USH2A: variants seen among roughly 807,000 people sequenced by gnomAD.
USH2A encodes the protein usherin, also known as Usher syndrome 2A (autosomal recessive, mild).
USH2A carries 443 observed loss-of-function variants against 538.9 expected under a neutral mutation model. The ratio of observed to expected loss-of-function variants is 0.82; its 90% CI spans 0.76 to 0.89. The LOEUF is 0.89. USH2A is among the 40% of genes least tolerant of loss of function. USH2A has a pLI of 0.00. For synonymous variants in USH2A, 2,413 were observed against 2,273.5 expected (o/e 1.06, Z -1.75); for missense variants, 6,633 against 6,324.8 (o/e 1.05, Z -1.65).
chr1:216,419,467 G>A (rs1459814353), intron 2 of USH2A, among the ~76,000 whole-genome samples: 2 of 152,120 alleles, frequency 1.3e-5, no homozygotes, highest in Admixed American at 1.3e-4. Context: ...AGACCTTGAG[G>A]TCTCTTCTTC....
intron 49 of USH2A, among the ~76,000 whole-genome samples, chr1:215,808,763 A>AT (rs1261361781): frequency 2.0e-5 from 3 of 152,104 alleles, no homozygotes; most frequent in Non-Finnish European, 4.4e-5. Flanking sequence ...TTTTATTGCT[A>AT]CATAGTATTC....
At chr1:215,938,713 C>G (rs1466348327) in intron 37 of USH2A, among the ~76,000 whole-genome samples, 1 of 152,138 alleles carries the variant, frequency 6.6e-6, no homozygotes, top group Non-Finnish European at 1.5e-5. Context: ...GCTTCGCCCC[C>G]ACCCAAGCAC....
intron 3 of USH2A, among the ~76,000 whole-genome samples, chr1:216,372,916 A>G (rs1252123900): frequency 6.6e-6 from 1 of 152,230 alleles, no homozygotes; most frequent in African/African-American, 2.4e-5. Flanking sequence ...CCAAAAGATT[A>G]TCAAGTTAGC....
At chr1:216,231,155 A>G (rs113235971) in intron 14 of USH2A, among the ~76,000 whole-genome samples, 1,758 of 144,394 alleles carry the variant, frequency 0.012, 31 homozygotes, top group African/African-American at 0.042. Flanking sequence ...ACGCAAGGAA[A>G]ATATAAATAG....
At chr1:215,990,270 G>T (rs565454) in intron 35 of USH2A, among the ~76,000 whole-genome samples, 23,598 of 152,190 alleles carry the variant, frequency 0.16, 2,123 homozygotes, top group Non-Finnish European at 0.21. Flanking sequence ...AATCTACACA[G>T]CTAGAAAAAT....
chr1:215,882,460 A>G (rs921796241), intron 41 of USH2A, among the ~76,000 whole-genome samples: 1 of 152,176 alleles, frequency 6.6e-6, no homozygotes, highest in African/African-American at 2.4e-5. Flanking sequence ...CTTTCCTTTA[A>G]AAATATTAAT....
chr1:216,303,077 C>A (rs574494245), intron 9 of USH2A, among the ~76,000 whole-genome samples: 1 of 151,874 alleles, frequency 6.6e-6, no homozygotes, highest in Admixed American at 6.6e-5. Flanking sequence ...AAATCTCTGT[C>A]CTTCTTTATT....
At chr1:216,352,628 G>A (rs1427575413) in intron 4 of USH2A, among the ~76,000 whole-genome samples, 1 of 151,998 alleles carries the variant, frequency 6.6e-6, no homozygotes, top group African/African-American at 2.4e-5. Flanking sequence ...ATGGGGGAGG[G>A]TCAAGAATAA....
chr1:216,190,327 A>G lies in USH2A; in HGVS notation c.4292T>C (p.Val1431Ala). 5 of 1,612,296 alleles carry G rather than the reference A, an allele frequency of 3.1e-6. No individual in the cohort carries two copies. The highest frequency in any genetic ancestry group is 4.2e-6 in the Non-Finnish European group (5 of 1,178,960). The change falls in exon 20 of 72, where the codon GTA becomes GCA. Residue 1431 changes from valine to alanine, a missense_variant. Coordinates refer to ENST00000307340, the MANE Select transcript of USH2A (RefSeq NM_206933.4). ...TAKSQELSYTVEGLKPYRIYE... is the reference protein window; with the variant it reads ...TAKSQELSYTAEGLKPYRIYE... ...TATCCTATAAGGTTTCAGTCCTTCTACAGTGTAAGATAGTTCTTGGGATTT... is the reference window on the plus strand; with the variant it reads ...TATCCTATAAGGTTTCAGTCCTTCTGCAGTGTAAGATAGTTCTTGGGATTT...
At chr1:216,377,822 A>AG (rs1491467449) in intron 3 of USH2A, among the ~76,000 whole-genome samples, 5 of 45,178 alleles carry the variant, frequency 1.1e-4, no homozygotes, top group African/African-American at 2.0e-4. Context: ...AAAGAAAGAA[A>AG]GAAAGAAAGA....
At chr1:216,355,701 A>T (rs2038381431) in intron 4 of USH2A, among the ~76,000 whole-genome samples, 1 of 152,134 alleles carries the variant, frequency 6.6e-6, no homozygotes, top group Non-Finnish European at 1.5e-5. Flanking sequence ...GATCTTTAAA[A>T]AGAGAGAGAA....
At chr1:216,315,057 A>G (rs555021773) in intron 9 of USH2A, among the ~76,000 whole-genome samples, 5 of 152,328 alleles carry the variant, frequency 3.3e-5, no homozygotes, top group African/African-American at 1.2e-4. Flanking sequence ...TTAAAACTAG[A>G]TTCTATTCAA....
chr1:215,826,828 A>G (rs1363908341), intron 47 of USH2A, among the ~76,000 whole-genome samples: 1 of 152,178 alleles, frequency 6.6e-6, no homozygotes, highest in Non-Finnish European at 1.5e-5. Context: ...TGAAAACATG[A>G]ACCAGGGTGG....
intron 29 of USH2A, 64 bp from the exon 30 acceptor site, chr1:216,070,356 C>T (rs1234622619): frequency 5.4e-6 from 8 of 1,492,798 alleles, no homozygotes; most frequent in Non-Finnish European, 7.5e-6. Context: ...TGCTCCTATT[C>T]TTCACTTTTA....
intron 41 of USH2A, among the ~76,000 whole-genome samples, chr1:215,884,149 T>A (rs1231441766): frequency 6.6e-6 from 1 of 152,138 alleles, no homozygotes; most frequent in African/African-American, 2.4e-5. Context: ...GAGGGTTTGA[T>A]AGGTGCAACA....
intron 64 of USH2A, among the ~76,000 whole-genome samples, chr1:215,665,209 G>C (rs1657565566): frequency 6.6e-6 from 1 of 152,086 alleles, no homozygotes; most frequent in Non-Finnish European, 1.5e-5. Context: ...CTCTTGTTTG[G>C]GGGCAGTGTT....
chr1:216,158,755 C>G (rs1572009115), intron 21 of USH2A, among the ~76,000 whole-genome samples: 1 of 151,966 alleles, frequency 6.6e-6, no homozygotes, highest in African/African-American at 2.4e-5. Context: ...TACAGAAATC[C>G]TGGGATTTTG....
chr1:216,149,092 A>G (rs12086642), intron 21 of USH2A, among the ~76,000 whole-genome samples: 30,635 of 151,680 alleles, frequency 0.2, 3,142 homozygotes, highest in Admixed American at 0.24. Flanking sequence ...CATGGTTAGC[A>G]CGGTCAGAAT....
Position 216,422,558 on chromosome 1 carries a change from A to G in USH2A, c.-204-18T>C. On this transcript the variant is annotated intron_variant, in intron 1 of 71. Coordinates refer to ENST00000307340, the MANE Select transcript of USH2A (RefSeq NM_206933.4). Reference sequence around the variant, plus strand: ...GCTGGTATCTGGGAATCAAAAACGTAGGGCGTCAAGGGAAAGCTGCTGCAC... The same window carrying G: ...GCTGGTATCTGGGAATCAAAAACGTGGGGCGTCAAGGGAAAGCTGCTGCAC... 3.5e-6 allele frequency: 2 copies of G among 563,430 alleles called. No homozygotes were observed. Among genetic ancestry groups the G allele is most frequent in the South Asian group, 4.1e-5 (2 of 49,194 alleles). The allele number at this position is 563,430 out of a possible 1,614,324, so 34.9% of individuals were successfully genotyped here.
Sources: allele counts gnomAD v4.1 joint callset (sites outside exome capture counted in the v4.1 genomes callset), GRCh38; gene constraint gnomAD v4.1.1; transcripts MANE v1.5; gene names NCBI Gene and HGNC (gene_info 2026-07-23, HGNC 2026-07-21).